Variants in CHAF1B observed in about 807,000 individuals in gnomAD.
CHAF1B encodes the protein CAF-1 subunit B.
In CHAF1B, 10 loss-of-function variants were observed where a neutral mutation model predicts 60.7. The observed-to-expected ratio is 0.16, with a 90% CI of 0.10 to 0.28. The LOEUF (loss-of-function observed/expected upper bound fraction) is 0.28, where lower values mean the gene tolerates loss of function less well. CHAF1B is among the 10% of genes least tolerant of loss of function. The pLI is 1.00. For missense variants in CHAF1B, 558 were observed against 708.4 expected, an observed-to-expected ratio of 0.79 and a Z score of 2.41; for synonymous variants, 261 against 266.1, an observed-to-expected ratio of 0.98 and a Z score of 0.19.
At chr21:36,391,696 T>C in intron 4 of CHAF1B, 28 bp downstream of exon 4, 1 of 1,407,028 alleles carries the variant, frequency 7.1e-7, no homozygotes, top group Non-Finnish European at 1.0e-6. Flanking sequence ...ATGGCAGTGA[T>C]CTCTGTTTAC....
At chr21:36,387,412 A>G (rs1220586952) in intron 2 of CHAF1B, among the ~76,000 whole-genome samples, 186 bp from the exon 3 acceptor site, 1 of 151,760 alleles carries the variant, frequency 6.6e-6, no homozygotes, top group Non-Finnish European at 1.5e-5. Flanking sequence ...TGTAGAGACT[A>G]GGTCTCACTG....
At chr21:36,403,737 A>C (rs2086211671) in intron 8 of CHAF1B, among the ~76,000 whole-genome samples, 1 of 152,216 alleles carries the variant, frequency 6.6e-6, no homozygotes, top group Non-Finnish European at 1.5e-5. Flanking sequence ...GGCTCAGCCC[A>C]GCAAGATAAG....
intron 4 of CHAF1B, among the ~76,000 whole-genome samples, chr21:36,391,907 ATTTTTTTTTTTT>A (rs55920360): frequency 1.2e-4 from 8 of 67,040 alleles, no homozygotes; most frequent in South Asian, 1.4e-3. Context: ...TGATTTTTAA[ATTTTTTTTTTTT>A]TTTTTTTTTT....
rs2086088020 is a variant in CHAF1B, at chr21:36,391,551, A to G, written c.260A>G (p.Asp87Gly). Residue 87 changes from aspartate (D) to glycine (G), a missense_variant and splice_region_variant, in exon 4 of 14, where the codon GAT (aspartate) becomes GGT (glycine). Transcript: ENST00000314103. ...TGEILASGGD[D>G]AVILLWKVND... ...TCACTGTTACTGAATCACCCTGCAG[A>G]TGCTGTCATCCTATTGTGGAAGGTG... 7 of 1,596,186 alleles carry G rather than the reference A, an allele frequency of 4.4e-6. No homozygotes were observed. The highest frequency in any genetic ancestry group is 6.0e-6 in the Non-Finnish European group (7 of 1,164,382).
intron 8 of CHAF1B, among the ~76,000 whole-genome samples, chr21:36,404,588 C>T (rs2086221064): frequency 6.6e-6 from 1 of 150,976 alleles, no homozygotes; most frequent in Non-Finnish European, 1.5e-5. Context: ...GCATGCGCCA[C>T]CACGCCCAGC....
chr21:36,386,895 G>A (rs2086039595), intron 2 of CHAF1B, among the ~76,000 whole-genome samples: 1 of 152,056 alleles, frequency 6.6e-6, no homozygotes, highest in South Asian at 2.1e-4. Context: ...TGTATTTTTA[G>A]TAGAGATGGG....
intron 6 of CHAF1B, among the ~76,000 whole-genome samples, chr21:36,398,977 A>G (rs1240009637): frequency 6.6e-6 from 1 of 151,700 alleles, no homozygotes; most frequent in Non-Finnish European, 1.5e-5. Context: ...AGTGTGTTTT[A>G]TTCAGACAGT....
chr21:36,397,271 GT>G, intron 5 of CHAF1B, 143 bp from the exon 6 acceptor site: 1 of 419,492 alleles, frequency 2.4e-6, no homozygotes, highest in Non-Finnish European at 4.2e-6. Flanking sequence ...CTGACACAGG[GT>G]TTTAGTACAG....
At chr21:36,385,980 A>T (rs1216375209) in intron 1 of CHAF1B, 80 bp from the exon 2 acceptor site, 2 of 785,128 alleles carry the variant, frequency 2.5e-6, no homozygotes, top group Non-Finnish European at 4.1e-6. Flanking sequence ...TGCAGTGTGC[A>T]TTTTAAATGG....
Position 36,391,492 on chromosome 21 carries a change from A to G in CHAF1B, c.260-59A>G, listed in dbSNP as rs528036557. 49 of 1,071,730 alleles carry G rather than the reference A, an allele frequency of 4.6e-5. No homozygotes were observed. The African/African-American group carries it at 6.8e-4, about 15-fold the overall frequency. The allele number at this position is 1,071,730 out of a possible 1,614,324, so 66.4% of individuals were successfully genotyped here. On this transcript the variant is annotated intron_variant, in intron 3 of 13. Coordinates refer to ENST00000314103, the MANE Select transcript of CHAF1B (RefSeq NM_005441.3). Reference sequence around the variant, plus strand: ...AAAAAAAAAAAAAATGAAAATAAAAATCCTAATATGAAGGAGTGTGGGTGA... The same window carrying G: ...AAAAAAAAAAAAAATGAAAATAAAAGTCCTAATATGAAGGAGTGTGGGTGA...
chr21:36,391,507 A>C, intron 3 of CHAF1B, 44 bp from the exon 4 acceptor site: 2 of 1,038,676 alleles, frequency 1.9e-6, no homozygotes, highest in Non-Finnish European at 3.0e-6. Flanking sequence ...AATATGAAGG[A>C]GTGTGGGTGA....
At chr21:36,396,946 C>T (rs2086144941) in intron 5 of CHAF1B, among the ~76,000 whole-genome samples, 2 of 152,160 alleles carry the variant, frequency 1.3e-5, no homozygotes, top group Non-Finnish European at 2.9e-5. Flanking sequence ...CTTCTCCTTT[C>T]CTCCTTATCT....
intron 13 of CHAF1B, chr21:36,415,877 C>T (rs929124802): frequency 1.8e-5 from 6 of 341,810 alleles, no homozygotes; most frequent in East Asian, 9.1e-5. Flanking sequence ...CTCGGCCTCC[C>T]GAGTAGCCGG....
At position 36,399,387 on chromosome 21, in the gene CHAF1B, G is replaced by A. The variant is rs2086168395; in HGVS notation, c.579-134G>A. ...TTGCTTCCTTCTTAATTACCCAGTT[G>A]TGAATATCATTGGTAAAAGCTTTTG... On this transcript the variant is annotated intron_variant, in intron 6 of 13. Coordinates refer to ENST00000314103, the MANE Select transcript of CHAF1B (RefSeq NM_005441.3). The A allele has an allele frequency of 2.1e-5, 15 of 714,594 alleles. No individual in the cohort carries two copies. The South Asian group carries it at 2.3e-4, about 11-fold the overall frequency. The allele number at this position is 714,594 out of a possible 1,614,324, so 44.3% of individuals were successfully genotyped here.
chr21:36,389,798 T>TGCGCGCGC (rs1389760338), intron 3 of CHAF1B, among the ~76,000 whole-genome samples: 12 of 97,622 alleles, frequency 1.2e-4, no homozygotes, highest in African/African-American at 4.9e-4. Flanking sequence ...TGTGTGTGTG[T>TGCGCGCGC]GTGCGCGCGC....
At chr21:36,409,283 G>T in intron 9 of CHAF1B, 91 bp from the exon 10 acceptor site, 1 of 919,310 alleles carries the variant, frequency 1.1e-6, no homozygotes, top group Non-Finnish European at 1.7e-6. Flanking sequence ...TTATAGGTGT[G>T]AGCCACCGCG....
intron 5 of CHAF1B, among the ~76,000 whole-genome samples, chr21:36,396,758 T>C (rs977023879): frequency 1.3e-5 from 2 of 152,204 alleles, no homozygotes; most frequent in African/African-American, 4.8e-5. Flanking sequence ...AAGTCCCTTT[T>C]CCATCCCTGT....
chr21:36,404,266 A>C lies in CHAF1B; in HGVS notation c.757+1415A>C, dbSNP rs1489501827. On this transcript the variant is annotated intron_variant, in intron 8 of 13. Transcript: ENST00000314103. ...CAGGTGTGCGCCACCACTCCCAGCTAATTTTTGTATTTTTAGTAGAGACGG... is the reference window on the plus strand; with the variant it reads ...CAGGTGTGCGCCACCACTCCCAGCTCATTTTTGTATTTTTAGTAGAGACGG... Among the ~76,000 whole-genome samples, 4 of 150,646 alleles carry C rather than the reference A, an allele frequency of 2.7e-5. No homozygotes were observed. The East Asian group carries it at 5.9e-4, about 22-fold the overall frequency.
chr21:36,403,455 TAAAAAAAAA>T (rs71326686), intron 8 of CHAF1B, among the ~76,000 whole-genome samples: 1 of 77,450 alleles, frequency 1.3e-5, no homozygotes, highest in Non-Finnish European at 2.6e-5. Flanking sequence ...ATATCTTATC[TAAAAAAAAA>T]AAAAAAAAAA....
Sources: gnomAD v4.1 joint callset for allele counts (sites outside exome capture counted in the v4.1 genomes callset) on GRCh38, gnomAD v4.1.1 for gene constraint, MANE v1.5 for transcripts, NCBI Gene and HGNC (gene_info 2026-07-23, HGNC 2026-07-21) for gene names.